The following INKA2 variants were observed in gnomAD, a reference collection of about 807,000 sequenced individuals.
The protein encoded by INKA2 is inka box actin regulator 2, also known as PAK4-inhibitor INKA2.
Under a neutral mutation model 9.8 loss-of-function variants are expected in INKA2, and 3 were observed. The ratio of observed to expected loss-of-function variants is 0.31; its 90% confidence interval spans 0.14 to 0.79. INKA2 has a LOEUF of 0.79. Among genes scored for constraint, INKA2 ranks in the 30% least tolerant of loss-of-function variants. The pLI is 0.62. For synonymous variants in INKA2, 147 were observed against 143.3 expected (o/e 1.03, Z -0.18); for missense variants, 392 against 384.4 (o/e 1.02, Z -0.17).
At chr1:111,732,942 C>G (rs921645167) in intron 1 of INKA2, among the ~76,000 whole-genome samples, 2 of 152,150 alleles carry the variant, frequency 1.3e-5, no homozygotes, top group African/African-American at 4.8e-5. Flanking sequence ...CTTTTTGTGC[C>G]CGGGGTTCTG....
chr1:111,739,432 G>A, upstream of INKA2: 3 of 1,445,036 alleles, frequency 2.1e-6, no homozygotes, highest in Non-Finnish European at 2.7e-6. Flanking sequence ...GTCGGTGCTG[G>A]GGGTGGAGGG....
chr1:111,739,981 C>G (rs1053239599), upstream of INKA2: 1 of 152,260 alleles, frequency 6.6e-6, no homozygotes, highest in African/African-American at 2.4e-5. Context: ...CGGCTGCGCC[C>G]CTGGCAAGGC....
intron 1 of INKA2, among the ~76,000 whole-genome samples, chr1:111,732,947 G>T (rs1464783388): frequency 1.3e-5 from 2 of 152,188 alleles, no homozygotes; most frequent in Admixed American, 1.3e-4. Flanking sequence ...TGTGCCCGGG[G>T]TTCTGAATCT....
intron 1 of INKA2, chr1:111,745,967 G>A (rs1263387842): frequency 6.6e-6 from 1 of 152,204 alleles, no homozygotes. Context: ...GAGACCATGG[G>A]GTGAGGAGAA....
chr1:111,737,085 T>A (rs939837820), intron 1 of INKA2, among the ~76,000 whole-genome samples: 5 of 152,108 alleles, frequency 3.3e-5, no homozygotes, highest in African/African-American at 1.2e-4. Context: ...AGCTCTCCCA[T>A]CTGAGTGTCA....
In INKA2 at chr1:111,727,819, G is replaced by A. The variant is rs780029074; in HGVS notation, c.58-15C>T. Reference sequence around the variant, plus strand: ...TTCATGGACATCTGCAGGGGAGAGAGAAAGCATGGGGCCTATGAGCCACAG... The same window carrying A: ...TTCATGGACATCTGCAGGGGAGAGAAAAAGCATGGGGCCTATGAGCCACAG... On this transcript the variant is annotated splice_polypyrimidine_tract_variant and intron_variant, in intron 1 of 1. Coordinates refer to ENST00000357260, the MANE Select transcript of INKA2 (RefSeq NM_019099.5). The A allele has an allele frequency of 1.4e-5, 22 of 1,600,050 alleles. No homozygotes were observed. The highest frequency in any genetic ancestry group is 1.9e-5 in the Non-Finnish European group (22 of 1,179,096).
upstream of INKA2, among the ~76,000 whole-genome samples, chr1:111,743,358 G>A (rs1002812768): frequency 2.6e-5 from 4 of 152,178 alleles, no homozygotes; most frequent in Admixed American, 1.3e-4. Flanking sequence ...TCCAGTGGTC[G>A]GTACTTTACC....
Position 111,739,341 on chromosome 1 carries a change from C to T in INKA2, c.-99G>A, listed in dbSNP as rs1300641774. 6.4e-7 allele frequency: 1 copy of T among 1,568,640 alleles called. No homozygotes were observed. The highest frequency in any genetic ancestry group is 1.2e-5 in the South Asian group (1 of 86,942). ...CGGGCCGGCTCCCCGCCCCTGCGCCCGTAGCGCTCGCAGCGCGGAGCTGAG... is the reference window on the plus strand; with the variant it reads ...CGGGCCGGCTCCCCGCCCCTGCGCCTGTAGCGCTCGCAGCGCGGAGCTGAG... On this transcript the variant is annotated 5_prime_UTR_variant, in exon 1 of 2. Coordinates refer to ENST00000357260, the MANE Select transcript of INKA2 (RefSeq NM_019099.5).
chr1:111,755,634 G>C, intron 1 of INKA2: 1 of 1,601,602 alleles, frequency 6.2e-7, no homozygotes, highest in Non-Finnish European at 8.5e-7. Context: ...GAAGAGGGCC[G>C]AGAGGCGGGG....
In INKA2 at chr1:111,727,550, C is replaced by T; in HGVS notation, c.312G>A (p.Lys104=). Residue 104 remains lysine (K), a synonymous_variant, in exon 2 of 2, where the codon AAG becomes AAA. Transcript: ENST00000357260. Reference sequence around the variant, plus strand: ...CACAGACACTCCTATGGGATGGAAACTTGGTGCTGCTGCCAAGAGAAGGTT... The same window carrying T: ...CACAGACACTCCTATGGGATGGAAATTTGGTGCTGCTGCCAAGAGAAGGTT... ...SSQPSLGSST[K]FPSHRSVCGR... is the part of the protein sequence containing the mutation. 6.2e-7 allele frequency: 1 copy of T among 1,613,560 alleles called. No individual in the cohort carries two copies. The highest frequency in any genetic ancestry group is 1.3e-5 in the African/African-American group (1 of 75,052).
intron 1 of INKA2, 142 bp downstream of exon 1, chr1:111,739,044 C>A: frequency 1.3e-6 from 1 of 744,958 alleles, no homozygotes; most frequent in Non-Finnish European, 2.3e-6. Context: ...CTGCCCTCTG[C>A]CTGCGGGCCC....
At chr1:111,744,603 T>C in intron 1 of INKA2, 1 of 149,528 alleles carries the variant, frequency 6.7e-6, no homozygotes, top group Non-Finnish European at 1.5e-5. Context: ...AGTCCCGCTC[T>C]GTCGCCCAAG....
At position 111,722,337 on chromosome 1, in the gene INKA2, C is replaced by CG. The variant is rs983872143; in HGVS notation, c.*4630dup. The CG allele has an allele frequency of 6.6e-6, 1 of 152,496 alleles. No homozygotes were observed. The highest frequency in any genetic ancestry group is 2.4e-5 in the African/African-American group (1 of 41,406). The allele number at this position is 152,496 out of a possible 1,614,324, so 9.4% of individuals were successfully genotyped here. ...TTAGGCCATTAGTTTCCAGGGTGGC[C>CG]GGAGGGCAGGAGGAAGGGAGCGATG... On this transcript the variant is annotated 3_prime_UTR_variant, in exon 2 of 2. Coordinates refer to ENST00000357260, the MANE Select transcript of INKA2 (RefSeq NM_019099.5).
At chr1:111,751,504 G>C (rs1282593726) in intron 1 of INKA2, among the ~76,000 whole-genome samples, 1 of 152,228 alleles carries the variant, frequency 6.6e-6, no homozygotes, top group South Asian at 2.1e-4. Context: ...CTGTCAAATA[G>C]ATCTGAGTTC....
At chr1:111,749,980 T>A (rs1029195619) in intron 1 of INKA2, among the ~76,000 whole-genome samples, 6 of 152,236 alleles carry the variant, frequency 3.9e-5, no homozygotes, top group African/African-American at 1.4e-4. Flanking sequence ...CAGTTATTGT[T>A]AAATGTCCCA....
At position 111,725,796 on chromosome 1, in the gene INKA2, G is replaced by T; in HGVS notation, c.*1172C>A. The T allele has an allele frequency of 4.1e-6, 1 of 245,698 alleles. No individual in the cohort carries two copies. Among genetic ancestry groups the T allele is most frequent in the Non-Finnish European group, 7.7e-6 (1 of 129,420 alleles). The allele number at this position is 245,698 out of a possible 1,614,324, so 15.2% of individuals were successfully genotyped here. A position where few individuals can be genotyped will look rare whatever the true frequency, so the allele number is the denominator to read the frequency against. ...CAGCCAGGCTGGAGTGCAGTGGCAT[G>T]ATCTCGCCTCACTGCAACCTCCCTC... On this transcript the variant is annotated 3_prime_UTR_variant, in exon 2 of 2. Coordinates refer to ENST00000357260, the MANE Select transcript of INKA2 (RefSeq NM_019099.5).
Position 111,739,390 on chromosome 1 carries a change from AG to A in INKA2, c.-149del. 6.7e-7 allele frequency: 1 copy of A among 1,491,018 alleles called. No homozygotes were observed. The highest frequency in any genetic ancestry group is 1.3e-5 in the South Asian group (1 of 75,500). The allele number at this position is 1,491,018 out of a possible 1,614,324, so 92.4% of individuals were successfully genotyped here. A position where few individuals can be genotyped will look rare whatever the true frequency, so the allele number is the denominator to read the frequency against. ...AGCCTGCGCTCCGAGCCCGGGACTCAGAGTCGCTTCCCCAGCGGCTAGCCGC... is the reference window on the plus strand; with the variant it reads ...AGCCTGCGCTCCGAGCCCGGGACTCAAGTCGCTTCCCCAGCGGCTAGCCGC... On this transcript the variant is annotated 5_prime_UTR_variant, in exon 1 of 2. Transcript: ENST00000357260.
intron 1 of INKA2, among the ~76,000 whole-genome samples, chr1:111,751,446 G>T (rs1301398144): frequency 6.6e-6 from 1 of 152,160 alleles, no homozygotes; most frequent in Non-Finnish European, 1.5e-5. Context: ...TTCCCCAGCT[G>T]GGCTGTCAAC....
At chr1:111,745,209 T>A (rs1379183273) in intron 1 of INKA2, 1 of 136,512 alleles carries the variant, frequency 7.3e-6, no homozygotes, top group Non-Finnish European at 1.5e-5. Flanking sequence ...TTGCAAACAT[T>A]TACTGGAAAG....
Sources: gnomAD v4.1 joint callset for allele counts (sites outside exome capture counted in the v4.1 genomes callset) on GRCh38, gnomAD v4.1.1 for gene constraint, MANE v1.5 for transcripts, NCBI Gene and HGNC (gene_info 2026-07-23, HGNC 2026-07-21) for gene names.